Variants in BRCA2 observed in about 807,000 individuals in gnomAD.
BRCA2 encodes BRCA2 DNA repair associated.
A neutral mutation model predicts 276.7 loss-of-function variants in BRCA2; 203 were observed. The ratio of observed to expected loss-of-function variants is 0.73; its 90% CI spans 0.65 to 0.82. BRCA2 has a LOEUF of 0.82. Among genes scored for constraint, BRCA2 ranks in the 40% least tolerant of loss-of-function variants. BRCA2 has a pLI of 0.00. For missense variants in BRCA2, 3,920 were observed against 3,915.0 expected (o/e 1.00, Z -0.03); for synonymous variants, 1,289 against 1,338.4 (o/e 0.96, Z 0.81).
rs750435643 is a variant in BRCA2 at position 32,341,145 on chromosome 13, T to C, written c.6790T>C (p.Leu2264=). The C allele has an allele frequency of 3.7e-6, 6 of 1,613,978 alleles. No homozygotes were observed. Among genetic ancestry groups the C allele is most frequent in the Non-Finnish European group, 5.1e-6 (6 of 1,179,914 alleles). ...FTCPENEEMV[L]SNSRIGKRRG... ...ATGTCCCGAAAATGAGGAAATGGTT[T>C]TGTCAAATTCAAGAATTGGAAAAAG... The change falls in exon 11 of 27, where the codon TTG becomes CTG. Residue 2264 remains leucine, a synonymous_variant. Coordinates refer to ENST00000380152, the MANE Select transcript of BRCA2 (RefSeq NM_000059.4).
At chr13:32,392,584 C>A (rs1228597027) in intron 24 of BRCA2, among the ~76,000 whole-genome samples, 1 of 42,336 alleles carries the variant, frequency 2.4e-5, no homozygotes, top group South Asian at 1.2e-3. Flanking sequence ...AGTGAGACTG[C>A]GTCTCAAAAA....
At chr13:32,370,375 A>C (rs2072818077) in intron 18 of BRCA2, 27 bp from the exon 19 acceptor site, 1 of 1,600,890 alleles carries the variant, frequency 6.2e-7, no homozygotes, top group East Asian at 2.2e-5. Context: ...TTAACTACTA[A>C]ATCAATATAT....
intron 18 of BRCA2, among the ~76,000 whole-genome samples, chr13:32,365,717 G>T (rs1452711311): frequency 2.8e-4 from 34 of 120,918 alleles, no homozygotes; most frequent in Admixed American, 2.5e-3. Flanking sequence ...ATGTACTTTG[G>T]TGTCTTTTTT....
At chr13:32,333,471 AATCTTCAT>A (rs1244618188) in intron 10 of BRCA2, 84 bp downstream of exon 10, 1 of 1,402,402 alleles carries the variant, frequency 7.1e-7, no homozygotes, top group African/African-American at 1.5e-5. Context: ...TGCTTTTTAA[AATCTTCAT>A]ATCTTATATT....
Position 32,337,835 on chromosome 13 carries a change from A to G in BRCA2, c.3480A>G (p.Arg1160=), listed in dbSNP as rs2072481788. The G allele has an allele frequency of 6.2e-7, 1 of 1,614,100 alleles. No homozygotes were observed. The highest frequency in any genetic ancestry group is 8.5e-7 in the Non-Finnish European group (1 of 1,179,960). The change falls in exon 11 of 27, where the codon AGA becomes AGG. Residue 1160 remains arginine, a synonymous_variant. Coordinates refer to ENST00000380152, the MANE Select transcript of BRCA2 (RefSeq NM_000059.4). ...TILKTTSEEC[R]DADLHVIMNA... Reference sequence around the variant, plus strand: ...TAAAGACCACTTCTGAGGAATGCAGAGATGCTGATCTTCATGTCATAATGA... The same window carrying G: ...TAAAGACCACTTCTGAGGAATGCAGGGATGCTGATCTTCATGTCATAATGA...
chr13:32,376,809 CAT>C lies in BRCA2; in HGVS notation c.8754+22_8754+23del. 1 of 1,613,444 alleles carries C rather than the reference CAT, an allele frequency of 6.2e-7. No individual in the cohort carries two copies. The highest frequency in any genetic ancestry group is 8.5e-7 in the Non-Finnish European group (1 of 1,179,730). ...ACCTTGAGGTGAGAGAGTAAGAGGACATATAATGAGGCTTGATGATTATTCAA... is the reference window on the plus strand; with the variant it reads ...ACCTTGAGGTGAGAGAGTAAGAGGACATAATGAGGCTTGATGATTATTCAA... On this transcript the variant is annotated intron_variant, in intron 21 of 26. Coordinates refer to ENST00000380152, the MANE Select transcript of BRCA2 (RefSeq NM_000059.4).
chr13:32,319,820 T>G (rs1005204835), intron 3 of BRCA2, among the ~76,000 whole-genome samples: 2 of 152,228 alleles, frequency 1.3e-5, no homozygotes, highest in African/African-American at 4.8e-5. Flanking sequence ...TAATGAACTT[T>G]CCCTTTTCTT....
chr13:32,370,398 C>T lies in BRCA2; in HGVS notation c.8332-4C>T, dbSNP rs780602242. On this transcript the variant is annotated splice_region_variant and splice_polypyrimidine_tract_variant and intron_variant, in intron 18 of 26. Transcript: ENST00000380152. ...TAAATCAATATATTTATTAATTTGT[C>T]CAGATTTCTGCTAACAGTACTCGGC... 1.2e-6 allele frequency: 2 copies of T among 1,611,748 alleles called. No homozygotes were observed. The highest frequency in any genetic ancestry group is 1.7e-6 in the Non-Finnish European group (2 of 1,178,024).
At chr13:32,372,843 C>T (rs928439198) in intron 20 of BRCA2, among the ~76,000 whole-genome samples, 1 of 152,156 alleles carries the variant, frequency 6.6e-6, no homozygotes, top group Non-Finnish European at 1.5e-5. Flanking sequence ...CACCTATGAG[C>T]CTGTAAAATC....
At position 32,376,810 on chromosome 13, in the gene BRCA2, A is replaced by T. The variant is rs1057520471; in HGVS notation, c.8754+19A>T. On this transcript the variant is annotated intron_variant, in intron 21 of 26. Coordinates refer to ENST00000380152, the MANE Select transcript of BRCA2 (RefSeq NM_000059.4). ...CCTTGAGGTGAGAGAGTAAGAGGAC[A>T]TATAATGAGGCTTGATGATTATTCA... 6.2e-7 allele frequency: 1 copy of T among 1,613,552 alleles called. No individual in the cohort carries two copies. Among genetic ancestry groups the T allele is most frequent in the Non-Finnish European group, 8.5e-7 (1 of 1,179,762 alleles).
In BRCA2 at chr13:32,338,877, G is replaced by A. The variant is rs876661035; in HGVS notation, c.4522G>A (p.Gly1508Arg). The stretch of plus-strand genomic sequence containing the variant: ...TGGAAATCAACTAGTGACCTTCCAG[G>A]GACAACCCGAACGTGATGAAAAGAT... ...GTGNQLVTFQ[G>R]QPERDEKIKE... The change falls in exon 11 of 27, where the codon GGA becomes AGA. Residue 1508 changes from glycine (G) to arginine (R), a missense_variant. By Grantham distance (125) the Gly-to-Arg change is moderately radical. Transcript: ENST00000380152. 1.2e-6 allele frequency: 2 copies of A among 1,613,872 alleles called. No homozygotes were observed. The highest frequency in any genetic ancestry group is 1.7e-6 in the Non-Finnish European group (2 of 1,179,922).
At position 32,319,307 on chromosome 13, in the gene BRCA2, A is replaced by G. The variant is rs80358546; in HGVS notation, c.298A>G (p.Lys100Glu). ...LYQSPVKELD[K>E]FKLDLGRNVP... ...CCAATCTCCTGTAAAAGAATTAGAT[A>G]AATTCAAATTAGACTTAGGTAAGTA... The change falls in exon 3 of 27, where the codon AAA (lysine) becomes GAA (glutamate). Residue 100 changes from lysine to glutamate, a missense_variant. Physicochemically the swap from Lys to Glu is moderately conservative, Grantham distance 56. Transcript: ENST00000380152. 1.2e-6 allele frequency: 2 copies of G among 1,613,560 alleles called. No individual in the cohort carries two copies. The highest frequency in any genetic ancestry group is 1.7e-6 in the Non-Finnish European group (2 of 1,179,604).
At chr13:32,388,828 C>T (rs189395794) in intron 24 of BRCA2, among the ~76,000 whole-genome samples, 27 of 152,108 alleles carry the variant, frequency 1.8e-4, no homozygotes, top group African/African-American at 5.8e-4. Flanking sequence ...AACAAATAGT[C>T]GGGTTATAAA....
intron 8 of BRCA2, 28 bp from the exon 9 acceptor site, chr13:32,330,891 T>G (rs780788320): frequency 7.3e-7 from 1 of 1,366,780 alleles, no homozygotes; most frequent in East Asian, 2.3e-5. Flanking sequence ...GTTTTTATAC[T>G]AGTGATTTTA....
intron 22 of BRCA2, 74 bp from the exon 23 acceptor site, chr13:32,379,676 G>A (rs2137621383): frequency 6.4e-7 from 1 of 1,551,706 alleles, no homozygotes; most frequent in Non-Finnish European, 8.9e-7. Flanking sequence ...AAGAGGATCT[G>A]TATTTATTTT....
chr13:32,318,738 G>A lies in BRCA2; in HGVS notation c.68-339G>A, dbSNP rs11571585. ...CAGGCGTGAGCCCCCGCACCTGGCCGAATTTTATCGTGGAATGTATTCTTA... is the reference window on the plus strand; with the variant it reads ...CAGGCGTGAGCCCCCGCACCTGGCCAAATTTTATCGTGGAATGTATTCTTA... On this transcript the variant is annotated intron_variant, in intron 2 of 26. Transcript: ENST00000380152. Among the ~76,000 whole-genome samples the A allele has an allele frequency of 0.01, 1,553 of 152,146 alleles. 32 individuals are homozygous for A. Among genetic ancestry groups the A allele is most frequent in the African/African-American group, 0.036 (1,489 of 41,522 alleles).
intron 21 of BRCA2, 81 bp from the exon 22 acceptor site, chr13:32,379,236 C>T: frequency 7.4e-7 from 1 of 1,357,938 alleles, no homozygotes; most frequent in South Asian, 1.2e-5. Context: ...TGTATTTGTC[C>T]TGTTTAAAGC....
intron 13 of BRCA2, among the ~76,000 whole-genome samples, chr13:32,352,866 A>C (rs2072662034): frequency 6.6e-6 from 1 of 152,246 alleles, no homozygotes; most frequent in Admixed American, 6.5e-5. Flanking sequence ...ATAGAAATTC[A>C]GTAGATTTGG....
chr13:32,358,072 C>T, intron 16 of BRCA2, 143 bp downstream of exon 16: 1 of 853,176 alleles, frequency 1.2e-6, no homozygotes, highest in Non-Finnish European at 1.8e-6. Context: ...TATGGTTAAG[C>T]ATTCTGTAGA....
Sources: allele counts gnomAD v4.1 joint callset (sites outside exome capture counted in the v4.1 genomes callset), GRCh38; gene constraint gnomAD v4.1.1; transcripts MANE v1.5; gene names NCBI Gene and HGNC (gene_info 2026-07-23, HGNC 2026-07-21).